VPS13D: variants seen among roughly 807,000 people sequenced by gnomAD.
The protein encoded by VPS13D is intermembrane lipid transfer protein VPS13D.
A neutral mutation model predicts 461.9 loss-of-function variants in VPS13D; 187 were observed. The ratio of observed to expected loss-of-function variants is 0.40; its 90% CI spans 0.36 to 0.46. The LOEUF (loss-of-function observed/expected upper bound fraction) is 0.46. Among genes scored for constraint, VPS13D ranks in the 20% least tolerant of loss-of-function variants. The probability of loss-of-function intolerance (pLI) is 0.60; values close to 1 mark genes in which losing one functional copy is unlikely to be tolerated. For missense variants in VPS13D, 4,711 were observed against 5,364.9 expected, an observed-to-expected ratio of 0.88 and a Z score of 3.81; for synonymous variants, 1,951 against 1,986.3, an observed-to-expected ratio of 0.98 and a Z score of 0.47.
At chr1:12,488,204 G>T (rs970385690) in intron 67 of VPS13D, among the ~76,000 whole-genome samples, 1 of 152,196 alleles carries the variant, frequency 6.6e-6, no homozygotes, top group Non-Finnish European at 1.5e-5. Flanking sequence ...ATTTTCAATG[G>T]ACTTGACACC....
chr1:12,485,664 T>G (rs530747137), intron 67 of VPS13D, among the ~76,000 whole-genome samples: 1 of 152,182 alleles, frequency 6.6e-6, no homozygotes, highest in Non-Finnish European at 1.5e-5. Context: ...AAAAGGTTGT[T>G]GGGGGGGTGG....
chr1:12,293,976 T>G (rs1165291767), intron 24 of VPS13D, among the ~76,000 whole-genome samples: 1 of 152,228 alleles, frequency 6.6e-6, no homozygotes, highest in Non-Finnish European at 1.5e-5. Context: ...CTGGTCCCTT[T>G]TAGGACTTCA....
At chr1:12,480,988 A>T (rs945937906) in intron 67 of VPS13D, among the ~76,000 whole-genome samples, 1 of 151,862 alleles carries the variant, frequency 6.6e-6, no homozygotes, top group Non-Finnish European at 1.5e-5. Flanking sequence ...GCTTCTCTCC[A>T]CCCCAAGGAA....
rs753110814 is a variant in VPS13D, at chr1:12,311,594, G to A, written c.6791G>A (p.Arg2264Gln). 6.8e-6 allele frequency: 11 copies of A among 1,613,984 alleles called. No individual in the cohort carries two copies. Among genetic ancestry groups the A allele is most frequent in the South Asian group, 1.1e-5 (1 of 91,074 alleles). ...NLGEPIEEFM[R>Q]PYDLQDPRIH... ...GGAGAACCCATAGAGGAATTTATGC[G>A]GCCTTATGATTTACAAGATCCAAGA... Residue 2264 changes from arginine to glutamine, a missense_variant, in exon 28 of 70, where the codon CGG becomes CAG. Transcript: ENST00000620676.
At chr1:12,347,044 A>G (rs937414925) in intron 44 of VPS13D, among the ~76,000 whole-genome samples, 2 of 152,252 alleles carry the variant, frequency 1.3e-5, no homozygotes, top group African/African-American at 2.4e-5. Flanking sequence ...TTGAAACATC[A>G]TCACGAAATG....
chr1:12,393,135 C>T lies in VPS13D; in HGVS notation c.11634+6801C>T, dbSNP rs983673116. 5.9e-5 allele frequency among the ~76,000 whole-genome samples: 9 copies of T among 152,288 alleles called. No homozygotes were observed. The South Asian group carries it at 1.0e-3, about 18-fold the overall frequency. ...AGGTAGAAGTTCCCTGAATTTTAGT[C>T]GGATTTATTTCCTATCCTCTGGCAC... On this transcript the variant is annotated intron_variant, in intron 60 of 69. Coordinates refer to ENST00000620676, the MANE Select transcript of VPS13D (RefSeq NM_015378.4).
chr1:12,490,563 C>T (rs182384870), intron 67 of VPS13D, among the ~76,000 whole-genome samples: 3 of 152,282 alleles, frequency 2.0e-5, no homozygotes, highest in South Asian at 2.1e-4. Context: ...GGGAGCTACA[C>T]GTCAGAGGTA....
At chr1:12,434,106 T>A (rs1048511287) in intron 65 of VPS13D, among the ~76,000 whole-genome samples, 5 of 152,180 alleles carry the variant, frequency 3.3e-5, no homozygotes, top group Non-Finnish European at 5.9e-5. Flanking sequence ...AACCTGAAAT[T>A]GTCATTCATT....
chr1:12,471,726 C>G (rs1378407697), intron 67 of VPS13D, among the ~76,000 whole-genome samples: 1 of 152,110 alleles, frequency 6.6e-6, no homozygotes, highest in Non-Finnish European at 1.5e-5. Flanking sequence ...AGTGAAGCCC[C>G]CCACCCAGGT....
chr1:12,239,024 A>G (rs1330357561), intron 2 of VPS13D, among the ~76,000 whole-genome samples: 1 of 152,226 alleles, frequency 6.6e-6, no homozygotes, highest in Non-Finnish European at 1.5e-5. Flanking sequence ...TATAGATTAA[A>G]TGATTATTCT....
In VPS13D at chr1:12,254,513, C is replaced by CTTTTT. The variant is rs1017635589; in HGVS notation, c.669+711_669+715dup. ...TGTGAAGGATTAAAAAAATCTCAAT[C>CTTTTT]TTTTTTTTTTTTTTTTTTTTTTTTT... On this transcript the variant is annotated intron_variant, in intron 7 of 69. Transcript: ENST00000620676. 3.1e-4 allele frequency among the ~76,000 whole-genome samples: 24 copies of CTTTTT among 78,244 alleles called. 1 individual carries two copies. Among genetic ancestry groups the CTTTTT allele is most frequent in the Non-Finnish European group, 3.6e-4 (14 of 38,528 alleles). 51.3% of individuals were successfully genotyped at this position (78,244 alleles called of 152,430 possible).
At chr1:12,412,452 A>C (rs978866650) in intron 63 of VPS13D, among the ~76,000 whole-genome samples, 1 of 152,232 alleles carries the variant, frequency 6.6e-6, no homozygotes, top group Non-Finnish European at 1.5e-5. Context: ...GCATTAGTAG[A>C]AAGCAGAGCA....
intron 65 of VPS13D, among the ~76,000 whole-genome samples, chr1:12,432,460 G>A (rs950881664): frequency 6.6e-6 from 1 of 151,990 alleles, no homozygotes; most frequent in African/African-American, 2.4e-5. Context: ...GGACAGAAGT[G>A]GCTGTTTGCT....
At chr1:12,424,215 A>G (rs1644896389) in intron 65 of VPS13D, among the ~76,000 whole-genome samples, 1 of 152,214 alleles carries the variant, frequency 6.6e-6, no homozygotes, top group Non-Finnish European at 1.5e-5. Flanking sequence ...AAAGACTTTG[A>G]TCCTAAATAA....
rs1441283693 is a variant in VPS13D at position 12,260,732 on chromosome 1, G to A, written c.1150G>A (p.Glu384Lys). Residue 384 changes from glutamate to lysine, a missense_variant, in exon 11 of 70, where the codon GAA becomes AAA. Glu to Lys is a moderately conservative substitution (Grantham distance 56, BLOSUM62 1). Around this residue, in one of 3 missense-constraint regions of VPS13D, gnomAD observed 4,411 missense variants for 4,937.8 expected, o/e 0.89. Transcript: ENST00000620676. ...CRIEEEQSFE[E>K]LKILRELVHD... ...GATTGAAGAGGAACAGAGCTTTGAG[G>A]AATTGAAGATTTTGCGTGAACTGGT... The A allele has an allele frequency of 6.2e-7, 1 of 1,614,116 alleles. No individual in the cohort carries two copies. The highest frequency in any genetic ancestry group is 1.3e-5 in the African/African-American group (1 of 75,020).
intron 67 of VPS13D, among the ~76,000 whole-genome samples, chr1:12,460,940 C>T (rs1298481817): frequency 6.6e-6 from 1 of 152,162 alleles, no homozygotes; most frequent in Non-Finnish European, 1.5e-5. Context: ...AGTGCCACCC[C>T]CCATCCCCCC....
rs1338400318 is a variant in VPS13D at position 12,368,531 on chromosome 1, G to T, written c.10512G>T (p.Arg3504Ser). The T allele has an allele frequency of 3.1e-6, 5 of 1,613,954 alleles. No homozygotes were observed. The African/African-American group carries it at 5.3e-5, about 17-fold the overall frequency. Residue 3504 changes from arginine (R) to serine (S), a missense_variant, in exon 53 of 70, where the codon AGG (arginine) becomes AGT (serine). Arg to Ser is a moderately radical substitution (Grantham distance 110). Around this residue, in one of 3 missense-constraint regions of VPS13D, gnomAD observed 4,411 missense variants for 4,937.8 expected, o/e 0.89. Transcript: ENST00000620676. ...TTACTCTCCGAGGAGCTACGTATAG[G>T]ATCTCATTTAGTGACACAGATCAGT... ...VEITLRGATY[R>S]ISFSDTDQLP... is the part of the protein sequence containing the mutation.
At chr1:12,315,812 A>G (rs1642871024) in intron 30 of VPS13D, among the ~76,000 whole-genome samples, 2 of 151,920 alleles carry the variant, frequency 1.3e-5, no homozygotes, top group East Asian at 3.9e-4. Context: ...TTCCATCTGG[A>G]GAAACATTTC....
Position 12,349,158 on chromosome 1 carries a change from T to C in VPS13D, c.9221-6T>C. 1.2e-6 allele frequency: 2 copies of C among 1,613,318 alleles called. No homozygotes were observed. Among genetic ancestry groups the C allele is most frequent in the South Asian group, 1.1e-5 (1 of 91,036 alleles). Reference sequence around the variant, plus strand: ...CTGAAAGTGTTAACCCTTATTTCTGTGGCAGAGCCAGTGGTGCTTCCTGCT... The same window carrying C: ...CTGAAAGTGTTAACCCTTATTTCTGCGGCAGAGCCAGTGGTGCTTCCTGCT... On this transcript the variant is annotated splice_region_variant and splice_polypyrimidine_tract_variant and intron_variant, in intron 45 of 69. Transcript: ENST00000620676.
Sources: gnomAD v4.1 joint callset for allele counts (sites outside exome capture counted in the v4.1 genomes callset) on GRCh38, gnomAD v4.1.1 for gene constraint, gnomAD v4.1.1 regional missense constraint, MANE v1.5 for transcripts, NCBI Gene and HGNC (gene_info 2026-07-23, HGNC 2026-07-21) for gene names.